Variants in LCORL observed in about 807,000 individuals in gnomAD.
LCORL encodes the protein ligand dependent nuclear receptor corepressor like.
Under a neutral mutation model 141.8 loss-of-function variants are expected in LCORL, and 41 were observed. The ratio of observed to expected loss-of-function variants is 0.29; its 90% CI spans 0.23 to 0.38. The LOEUF (loss-of-function observed/expected upper bound fraction) is 0.38. Among genes scored for constraint, LCORL ranks in the 10% least tolerant of loss-of-function variants. The probability of loss-of-function intolerance (pLI) is 1.00; values close to 1 mark genes in which losing one functional copy is unlikely to be tolerated. For missense variants in LCORL, 1,759 were observed against 2,035.0 expected (o/e 0.86, Z 2.61); for synonymous variants, 618 against 694.1 (o/e 0.89, Z 1.72).
At chr4:17,878,629 A>G (rs1028814890) in intron 6 of LCORL, among the ~76,000 whole-genome samples, 2 of 151,444 alleles carry the variant, frequency 1.3e-5, no homozygotes, top group Admixed American at 6.6e-5. Flanking sequence ...GTAGGAGTAC[A>G]ATCTTTATTT....
At chr4:17,881,707 G>A (rs1727590297) in intron 6 of LCORL, 3 of 939,898 alleles carry the variant, frequency 3.2e-6, no homozygotes, top group Non-Finnish European at 3.8e-6. Context: ...TGTAAATATA[G>A]TGTGAGGAAT....
chr4:17,994,917 T>G (rs1003663101), intron 1 of LCORL, among the ~76,000 whole-genome samples: 3 of 150,312 alleles, frequency 2.0e-5, no homozygotes, highest in African/African-American at 7.5e-5. Flanking sequence ...TGCTAGGCAC[T>G]CAAATATTTG....
chr4:18,017,808 T>C (rs1223117909), intron 1 of LCORL, among the ~76,000 whole-genome samples: 3 of 152,056 alleles, frequency 2.0e-5, no homozygotes, highest in East Asian at 1.9e-4. Context: ...GGACCATAAA[T>C]TGGGTAACAG....
At chr4:17,955,655 C>G (rs1035368695) in intron 4 of LCORL, among the ~76,000 whole-genome samples, 3 of 152,018 alleles carry the variant, frequency 2.0e-5, no homozygotes, top group African/African-American at 7.2e-5. Flanking sequence ...AGGAAATCGA[C>G]TAAATAAAGG....
At chr4:17,973,976 T>A (rs577305918) in intron 1 of LCORL, among the ~76,000 whole-genome samples, 55 of 152,072 alleles carry the variant, frequency 3.6e-4, no homozygotes, top group African/African-American at 1.3e-3. Flanking sequence ...TGAAATAAAA[T>A]CTTCTGTGAA....
At chr4:17,953,980 G>A (rs1190748565) in intron 4 of LCORL, among the ~76,000 whole-genome samples, 3 of 152,040 alleles carry the variant, frequency 2.0e-5, no homozygotes, top group African/African-American at 4.8e-5. Flanking sequence ...TGCATAACAC[G>A]GTGAAACCCC....
chr4:17,951,384 A>G (rs1739701579), intron 4 of LCORL, among the ~76,000 whole-genome samples: 1 of 152,196 alleles, frequency 6.6e-6, no homozygotes, highest in Non-Finnish European at 1.5e-5. Context: ...TTAGAGAAAA[A>G]CAAACATTCT....
chr4:17,953,315 T>C (rs114882828), intron 4 of LCORL, among the ~76,000 whole-genome samples: 40 of 152,300 alleles, frequency 2.6e-4, no homozygotes, highest in Admixed American at 6.5e-4. Flanking sequence ...CTTTGAGGAA[T>C]TGCCACACTG....
intron 7 of LCORL, among the ~76,000 whole-genome samples, chr4:17,862,909 C>G (rs1725170270): frequency 6.6e-6 from 1 of 152,274 alleles, no homozygotes. Context: ...ATAGAGTAAA[C>G]AGACAACTGA....
intron 4 of LCORL, among the ~76,000 whole-genome samples, chr4:17,936,318 G>T (rs1328238697): frequency 7.3e-6 from 1 of 137,002 alleles, no homozygotes. Context: ...TAGAATTTTG[G>T]AACTACCAGA....
At chr4:17,936,669 CT>C (rs1214687767) in intron 4 of LCORL, among the ~76,000 whole-genome samples, 1 of 152,138 alleles carries the variant, frequency 6.6e-6, no homozygotes. Context: ...TTTATGTGAA[CT>C]TATTTAATTC....
exon 7 of LCORL, chr4:17,873,407 G>C (rs1726581090): frequency 3.3e-5 from 41 of 1,233,696 alleles, no homozygotes; most frequent in Non-Finnish European, 4.0e-5. Flanking sequence ...TGGAAAAATA[G>C]TTTGCCATTT....
intron 5 of LCORL, among the ~76,000 whole-genome samples, chr4:17,903,723 T>C (rs1731206703): frequency 6.6e-6 from 1 of 152,032 alleles, no homozygotes; most frequent in South Asian, 2.1e-4. Context: ...AAAATAGGCA[T>C]GTTTTCCTCA....
chr4:17,889,455 T>G (rs1033098305), intron 5 of LCORL, among the ~76,000 whole-genome samples: 4 of 152,138 alleles, frequency 2.6e-5, no homozygotes, highest in African/African-American at 9.7e-5. Context: ...CTTTTATCAA[T>G]TAATGTCTAC....
At chr4:17,932,428 C>G (rs748974628) in intron 4 of LCORL, among the ~76,000 whole-genome samples, 17 of 152,108 alleles carry the variant, frequency 1.1e-4, no homozygotes, top group Non-Finnish European at 2.4e-4. Context: ...CATTAGTCCC[C>G]CTTTCCCTTA....
exon 8 of LCORL, chr4:17,843,268 T>TATC (rs1300244481): frequency 1.3e-6 from 2 of 1,588,198 alleles, no homozygotes; most frequent in African/African-American, 2.7e-5. Flanking sequence ...TTAAAGCTTG[T>TATC]ATCTAAATTC....
Position 17,853,472 on chromosome 4 carries a change from C to T in LCORL, c.5603-7571G>A, listed in dbSNP as rs536286276. Among the ~76,000 whole-genome samples the T allele has an allele frequency of 1.1e-4, 17 of 152,254 alleles. No individual in the cohort carries two copies. The South Asian group carries it at 2.3e-3, about 20-fold the overall frequency. On this transcript the variant is annotated intron_variant, in intron 7 of 7. Coordinates refer to ENST00000635767, the Ensembl canonical transcript of LCORL. ...AGAATAATGTTCGGGCATAGACTGA[C>T]ATGTTTTTGAGAGCTAACAGAGTAT...
chr4:17,858,520 T>C (rs970660629), intron 7 of LCORL, among the ~76,000 whole-genome samples: 20 of 150,510 alleles, frequency 1.3e-4, no homozygotes, highest in African/African-American at 4.9e-4. Context: ...AGGTCAGGAG[T>C]TCGAGACCAG....
At chr4:17,895,812 T>C (rs79289785) in intron 5 of LCORL, among the ~76,000 whole-genome samples, 5,160 of 152,308 alleles carry the variant, frequency 0.034, 108 homozygotes, top group African/African-American at 0.055. Flanking sequence ...TTGGTCTTTT[T>C]TGACTGGCTG....
Sources: allele counts gnomAD v4.1 joint callset (sites outside exome capture counted in the v4.1 genomes callset), GRCh38; gene constraint gnomAD v4.1.1; transcripts MANE v1.5; gene names NCBI Gene and HGNC (gene_info 2026-07-23, HGNC 2026-07-21).